Variants in RTBDN observed in about 807,000 individuals in gnomAD.
RTBDN encodes retbindin.
Under a neutral mutation model 21.9 loss-of-function variants are expected in RTBDN, and 24 were observed. That is an observed-to-expected ratio of 1.10 (90% CI 0.79 to 1.54). The LOEUF is 1.54. Among genes scored for constraint, RTBDN ranks in the 40% most tolerant of loss-of-function variants. The probability of loss-of-function intolerance (pLI) is 0.00; values close to 1 mark genes in which losing one functional copy is unlikely to be tolerated. For synonymous variants in RTBDN, 141 were observed against 125.9 expected (o/e 1.12, Z -0.80); for missense variants, 325 against 315.2 (o/e 1.03, Z -0.23).
At chr19:12,828,561 C>A in intron 4 of RTBDN, 96 bp downstream of exon 4, 3 of 873,874 alleles carry the variant, frequency 3.4e-6, no homozygotes, top group Non-Finnish European at 3.5e-6. Flanking sequence ...CTGTTGGAGG[C>A]CACTCCCCTT....
At position 12,828,949 on chromosome 19, in the gene RTBDN, AGGTCCT is replaced by A; in HGVS notation, c.170-2_173del. 1 of 1,614,168 alleles carries A rather than the reference AGGTCCT, an allele frequency of 6.2e-7. No individual in the cohort carries two copies. The highest frequency in any genetic ancestry group is 1.1e-5 in the South Asian group (1 of 91,080). On this transcript the variant is annotated splice_acceptor_variant and coding_sequence_variant, in exon 3 of 6. Transcript: ENST00000674343. LOFTEE classifies it high-confidence loss of function. ...TTGTGTCCATCTCTGAGGGACAACA[AGGTCCT>A]GGCAAAGGGGAACCCTGTGAGCTAG...
At chr19:12,834,701 C>T, upstream of RTBDN, 2 of 1,550,262 alleles carry the variant, frequency 1.3e-6, no homozygotes, top group African/African-American at 1.4e-5. This position sits in a 1 kb window ranked among gnomAD's most constrained non-coding sequence, Gnocchi z 4.7. Flanking sequence ...AGGAGCCGTG[C>T]GTCCACTGCA....
intron 1 of RTBDN, among the ~76,000 whole-genome samples, chr19:12,833,665 T>G (rs1191550785): frequency 6.6e-6 from 1 of 152,036 alleles, no homozygotes; most frequent in Non-Finnish European, 1.5e-5. Flanking sequence ...GTGTCTCTTT[T>G]TATAGTGGTC....
At chr19:12,833,677 C>T (rs1969654870) in intron 1 of RTBDN, among the ~76,000 whole-genome samples, 1 of 152,052 alleles carries the variant, frequency 6.6e-6, no homozygotes, top group Non-Finnish European at 1.5e-5. Context: ...ATAGTGGTCT[C>T]TCGGCAGCTT....
intron 1 of RTBDN, among the ~76,000 whole-genome samples, chr19:12,833,701 G>A (rs892808794): frequency 6.6e-6 from 1 of 151,760 alleles, no homozygotes; most frequent in Non-Finnish European, 1.5e-5. Flanking sequence ...TCCCATGGGG[G>A]CACCAGGAGG....
rs766782633 is a variant in RTBDN at position 12,828,673 on chromosome 19, C to G, written c.349G>C (p.Glu117Gln). The change falls in exon 4 of 6, where the codon GAG (glutamate) becomes CAG (glutamine). Residue 117 changes from glutamate to glutamine, a missense_variant. Coordinates refer to ENST00000674343, the MANE Select transcript of RTBDN (RefSeq NM_001270441.2). ...GVRQAQPLCE[E>Q]LCQAWFANCE... ...GTCTCCTACCAGGCCTGGCAGAGCT[C>G]CTCGCAGAGCGGCTGTGCCTGGCGT... 6.2e-7 allele frequency: 1 copy of G among 1,613,822 alleles called. No individual in the cohort carries two copies. The highest frequency in any genetic ancestry group is 8.5e-7 in the Non-Finnish European group (1 of 1,179,804).
chr19:12,830,096 A>G lies in RTBDN; in HGVS notation c.-18-99T>C, dbSNP rs923833215. Reference sequence around the variant, plus strand: ...AGAAGCAGTGCCAGGCAGAGTAGGGAAAGTGCAGCTGAGGAGGAGGCTGGG... The same window carrying G: ...AGAAGCAGTGCCAGGCAGAGTAGGGGAAGTGCAGCTGAGGAGGAGGCTGGG... On this transcript the variant is annotated intron_variant, in intron 1 of 5. Transcript: ENST00000674343. This position sits in a 1 kb window ranked among gnomAD's most constrained non-coding sequence, Gnocchi z 4.2. 3.5e-5 allele frequency: 49 copies of G among 1,412,690 alleles called. No homozygotes were observed. Among genetic ancestry groups the G allele is most frequent in the Non-Finnish European group, 2.8e-5 (29 of 1,043,142 alleles). 87.5% of individuals were successfully genotyped at this position (1,412,690 alleles called of 1,614,324 possible).
At chr19:12,831,534 A>G (rs759825239) in intron 1 of RTBDN, among the ~76,000 whole-genome samples, 36 of 152,122 alleles carry the variant, frequency 2.4e-4, no homozygotes, top group Non-Finnish European at 4.6e-4. Flanking sequence ...GTGAAACCCC[A>G]TCTCTACTAA....
chr19:12,825,996 C>T, intron 5 of RTBDN, 63 bp from the exon 6 acceptor site: 4 of 1,466,236 alleles, frequency 2.7e-6, no homozygotes, highest in South Asian at 2.8e-5. Flanking sequence ...GGCGTGGCCT[C>T]GGGAAGGGAA....
chr19:12,826,558 G>A, intron 5 of RTBDN: 1 of 717,676 alleles, frequency 1.4e-6, no homozygotes, highest in Admixed American at 3.1e-5. Flanking sequence ...GCTGGGCATG[G>A]TGGCATGCGC....
chr19:12,829,082 C>A, intron 2 of RTBDN, 129 bp from the exon 3 acceptor site: 3 of 1,442,886 alleles, frequency 2.1e-6, no homozygotes, highest in East Asian at 2.5e-5. Flanking sequence ...TAACTTAAGA[C>A]CCTTCCTTTG....
Position 12,834,406 on chromosome 19 carries a change from A to C in RTBDN, c.-19+83T>G. 9.0e-7 allele frequency: 1 copy of C among 1,111,084 alleles called. No homozygotes were observed. 68.8% of individuals were successfully genotyped at this position (1,111,084 alleles called of 1,614,324 possible). The stretch of plus-strand genomic sequence containing the variant: ...GGCCATCGGCGCCGCTGGAGGCGTA[A>C]ACATGTTTGTGCGGCAACCTCGCCC... On this transcript the variant is annotated intron_variant, in intron 1 of 5. Coordinates refer to ENST00000674343, the MANE Select transcript of RTBDN (RefSeq NM_001270441.2). The surrounding 1 kb of genome is among the most constrained non-coding windows in gnomAD (Gnocchi z 4.7).
chr19:12,826,630 G>T (rs923141847), intron 5 of RTBDN, 145 bp downstream of exon 5: 6 of 722,588 alleles, frequency 8.3e-6, no homozygotes, highest in Admixed American at 8.1e-5. Flanking sequence ...GGAGGCGGAG[G>T]TTGCATCGAG....
Position 12,825,605 on chromosome 19 carries a change from A to G in RTBDN, c.*101T>C. 3 of 1,451,784 alleles carry G rather than the reference A, an allele frequency of 2.1e-6. No individual in the cohort carries two copies. The highest frequency in any genetic ancestry group is 2.7e-6 in the Non-Finnish European group (3 of 1,102,450). The allele number at this position is 1,451,784 out of a possible 1,614,324, so 89.9% of individuals were successfully genotyped here. A position where few individuals can be genotyped will look rare whatever the true frequency, so the allele number is the denominator to read the frequency against. ...AGGGAGGAGGGACAGACATCTCAAAACTATTACAGAAGGCCGAGAGGACGA... is the reference window on the plus strand; with the variant it reads ...AGGGAGGAGGGACAGACATCTCAAAGCTATTACAGAAGGCCGAGAGGACGA... On this transcript the variant is annotated 3_prime_UTR_variant, in exon 6 of 6. Transcript: ENST00000674343.
intron 3 of RTBDN, 29 bp from the exon 4 acceptor site, chr19:12,828,796 G>C: frequency 6.2e-7 from 1 of 1,613,370 alleles, no homozygotes; most frequent in Non-Finnish European, 8.5e-7. Flanking sequence ...AGGGTCGGAT[G>C]GGTCAGGACC....
At chr19:12,829,089 T>C in intron 2 of RTBDN, 136 bp from the exon 3 acceptor site, 1 of 1,402,388 alleles carries the variant, frequency 7.1e-7, no homozygotes, top group South Asian at 1.4e-5. Context: ...AGACCCTTCC[T>C]TTGGAATGCA....
Position 12,825,892 on chromosome 19 carries a change from G to T in RTBDN, c.504C>A (p.Gly168=). The T allele has an allele frequency of 6.2e-7, 1 of 1,610,430 alleles. No individual in the cohort carries two copies. The highest frequency in any genetic ancestry group is 8.5e-7 in the Non-Finnish European group (1 of 1,178,272). The change falls in exon 6 of 6, where the codon GGC becomes GGA. Residue 168 remains glycine (G), a synonymous_variant. Coordinates refer to ENST00000674343, the MANE Select transcript of RTBDN (RefSeq NM_001270441.2). ...DGTDLCRSAL[G]HALPVAAPGA... is the part of the protein sequence containing the mutation. The stretch of plus-strand genomic sequence containing the variant: ...CAGGAGCAGCCACCGGTAGGGCGTG[G>T]CCCAGAGCCGAGCGACAAAGGTCCG...
chr19:12,834,649 T>A (rs1391930018), upstream of RTBDN: 1 of 1,523,100 alleles, frequency 6.6e-7, no homozygotes, highest in Non-Finnish European at 8.9e-7. The surrounding 1 kb of genome is among the most constrained non-coding windows in gnomAD (Gnocchi z 4.7). Flanking sequence ...TTTTAGCTCC[T>A]TGCAGCCTTA....
upstream of RTBDN, chr19:12,834,934 A>G: frequency 6.5e-7 from 1 of 1,546,056 alleles, no homozygotes; most frequent in Non-Finnish European, 8.9e-7. This position sits in a 1 kb window ranked among gnomAD's most constrained non-coding sequence, Gnocchi z 4.7. Flanking sequence ...CTGTGCCCCA[A>G]GGCCCTGCCT....
Sources: gnomAD v4.1 joint callset for allele counts (sites outside exome capture counted in the v4.1 genomes callset) on GRCh38, gnomAD v4.1.1 for gene constraint, Gnocchi (gnomAD v3.1) non-coding constraint, MANE v1.5 for transcripts, NCBI Gene and HGNC (gene_info 2026-07-23, HGNC 2026-07-21) for gene names.